Variants in GALNT17 observed in about 807,000 individuals in gnomAD.
GALNT17 encodes polypeptide N-acetylgalactosaminyltransferase 17.
In GALNT17, 29 loss-of-function variants were observed where a neutral mutation model predicts 63.7. The observed-to-expected ratio is 0.46, with a 90% confidence interval of 0.34 to 0.62. The LOEUF (loss-of-function observed/expected upper bound fraction) is 0.62, where lower values mean the gene tolerates loss of function less well. Among genes scored for constraint, GALNT17 ranks in the 20% least tolerant of loss-of-function variants. The pLI, the probability that GALNT17 is intolerant of heterozygous loss-of-function variation, is 0.01. For synonymous variants in GALNT17, 305 were observed against 318.3 expected (o/e 0.96, Z 0.45); for missense variants, 603 against 799.6 (o/e 0.75, Z 2.97).
At chr7:71,629,097 G>C (rs1167233610) in intron 6 of GALNT17, among the ~76,000 whole-genome samples, 1 of 152,104 alleles carries the variant, frequency 6.6e-6, no homozygotes, top group East Asian at 1.9e-4. Context: ...AGAGGAGTTG[G>C]CTGGTGGAGA....
Position 71,416,059 on chromosome 7 carries a change from G to C in GALNT17, c.760G>C (p.Gly254Arg), listed in dbSNP as rs1466607871. The C allele has an allele frequency of 6.2e-7, 1 of 1,609,730 alleles. No individual in the cohort carries two copies. Among genetic ancestry groups the C allele is most frequent in the Non-Finnish European group, 8.5e-7 (1 of 1,178,168 alleles). Residue 254 changes from glycine (G) to arginine (R), a missense_variant, in exon 4 of 11, where the codon GGC becomes CGC. Physicochemically the swap from Gly to Arg is moderately radical, Grantham distance 125 (BLOSUM62 -2). Transcript: ENST00000333538. The part of the protein sequence containing the change: ...FFDAHVEFTA[G>R]WAEPVLSRIQ... ...TGATGCCCACGTGGAATTCACCGCT[G>C]GCTGGTAGGTCATGAGCTGAAACTC...
chr7:71,575,172 C>T (rs1304198825), intron 6 of GALNT17, among the ~76,000 whole-genome samples: 5 of 152,114 alleles, frequency 3.3e-5, no homozygotes, highest in Admixed American at 1.3e-4. Context: ...CTACTTAGGG[C>T]TTGAATGAAT....
chr7:71,697,791 C>G (rs760619794), intron 9 of GALNT17, among the ~76,000 whole-genome samples: 1 of 152,238 alleles, frequency 6.6e-6, no homozygotes, highest in South Asian at 2.1e-4. Context: ...TAAACTATAA[C>G]AAATATTATT....
intron 8 of GALNT17, among the ~76,000 whole-genome samples, chr7:71,673,292 G>C (rs1262705242): frequency 6.6e-6 from 1 of 152,096 alleles, no homozygotes; most frequent in African/African-American, 2.4e-5. Flanking sequence ...ATTTAACTTG[G>C]AGATTAGTTG....
intron 1 of GALNT17, among the ~76,000 whole-genome samples, chr7:71,315,826 C>T (rs948624751): frequency 6.6e-6 from 1 of 152,046 alleles, no homozygotes; most frequent in Non-Finnish European, 1.5e-5. Flanking sequence ...AGACTCTGAC[C>T]ATCAAGGGCA....
At chr7:71,402,162 A>ATATCC (rs1313166978) in intron 3 of GALNT17, among the ~76,000 whole-genome samples, 3 of 152,348 alleles carry the variant, frequency 2.0e-5, no homozygotes, top group Middle Eastern at 3.4e-3. Context: ...TGCAAGGCAC[A>ATATCC]TAGTGCAAGT....
At chr7:71,436,007 G>A (rs531234780) in intron 5 of GALNT17, among the ~76,000 whole-genome samples, 29 of 133,400 alleles carry the variant, frequency 2.2e-4, no homozygotes, top group Non-Finnish European at 4.2e-4. Flanking sequence ...GTTACAGAAC[G>A]AGACTCCTTC....
chr7:71,695,573 A>C (rs1244840040), intron 9 of GALNT17, among the ~76,000 whole-genome samples: 1 of 152,190 alleles, frequency 6.6e-6, no homozygotes, highest in Non-Finnish European at 1.5e-5. Context: ...AAAGTGTGCA[A>C]TCTGATGAGT....
intron 2 of GALNT17, among the ~76,000 whole-genome samples, chr7:71,372,177 G>A (rs559972697): frequency 1.3e-4 from 20 of 151,632 alleles, no homozygotes; most frequent in East Asian, 5.9e-4. Flanking sequence ...TTTATTTTTT[G>A]AGATGGAGTC....
chr7:71,287,996 G>A (rs1196601073), intron 1 of GALNT17, among the ~76,000 whole-genome samples: 3 of 143,764 alleles, frequency 2.1e-5, no homozygotes, highest in East Asian at 4.2e-4. Flanking sequence ...AGGTTGCAGT[G>A]AGCCGAGATC....
chr7:71,431,137 T>C (rs562824996), intron 5 of GALNT17, among the ~76,000 whole-genome samples: 15 of 152,276 alleles, frequency 9.9e-5, no homozygotes, highest in South Asian at 6.2e-4. Flanking sequence ...GGTACAGTTC[T>C]TGTATTTAGC....
intron 1 of GALNT17, among the ~76,000 whole-genome samples, chr7:71,315,054 C>A (rs1791476648): frequency 6.6e-6 from 1 of 152,184 alleles, no homozygotes; most frequent in Non-Finnish European, 1.5e-5. Context: ...CTGACTTTGG[C>A]AATCACTAAT....
intron 5 of GALNT17, among the ~76,000 whole-genome samples, chr7:71,431,530 C>G (rs1279127389): frequency 6.6e-6 from 1 of 151,966 alleles, no homozygotes; most frequent in Non-Finnish European, 1.5e-5. Flanking sequence ...TTATTATATC[C>G]TTTTTACAGG....
At chr7:71,177,484 A>G (rs1423287023) in intron 1 of GALNT17, among the ~76,000 whole-genome samples, 1 of 152,176 alleles carries the variant, frequency 6.6e-6, no homozygotes, top group Non-Finnish European at 1.5e-5. Flanking sequence ...TCAAACAACA[A>G]TTCAAGTTAG....
intron 1 of GALNT17, among the ~76,000 whole-genome samples, chr7:71,261,421 A>G (rs1790383512): frequency 7.1e-6 from 1 of 139,948 alleles, no homozygotes; most frequent in African/African-American, 2.7e-5. Flanking sequence ...AACTAAAGCA[A>G]AGGTCTGTGT....
chr7:71,632,093 A>AAAAAAG (rs1178475500), intron 6 of GALNT17, among the ~76,000 whole-genome samples: 2 of 140,216 alleles, frequency 1.4e-5, no homozygotes, highest in Admixed American at 6.9e-5. Flanking sequence ...AGTCTAAAAA[A>AAAAAAG]AAAAAGAAAA....
chr7:71,691,900 C>G (rs1283822092), intron 9 of GALNT17, among the ~76,000 whole-genome samples: 1 of 150,932 alleles, frequency 6.6e-6, no homozygotes, highest in Non-Finnish European at 1.5e-5. Flanking sequence ...TCCTTCCTTT[C>G]TCTCTTTCTC....
intron 5 of GALNT17, among the ~76,000 whole-genome samples, chr7:71,480,230 A>G (rs543542229): frequency 1.9e-4 from 26 of 133,522 alleles, no homozygotes; most frequent in African/African-American, 7.0e-4. Context: ...CAATGGTGCA[A>G]TCTCAGCTCA....
At chr7:71,243,647 C>T (rs1408660011) in intron 1 of GALNT17, among the ~76,000 whole-genome samples, 1 of 152,058 alleles carries the variant, frequency 6.6e-6, no homozygotes, top group Non-Finnish European at 1.5e-5. Context: ...TCAAGTGACC[C>T]CCCCATCTTG....
Sources: gnomAD v4.1 joint callset for allele counts (sites outside exome capture counted in the v4.1 genomes callset) on GRCh38, gnomAD v4.1.1 for gene constraint, MANE v1.5 for transcripts, NCBI Gene and HGNC (gene_info 2026-07-23, HGNC 2026-07-21) for gene names.